Variants in FN1 observed in about 807,000 individuals in gnomAD.
FN1 encodes fibronectin 1.
A neutral mutation model predicts 297.3 loss-of-function variants in FN1; 106 were observed. The ratio of observed to expected loss-of-function variants is 0.36; its 90% CI spans 0.30 to 0.42. The LOEUF (loss-of-function observed/expected upper bound fraction) is 0.42. FN1 is among the 10% of genes least tolerant of loss of function. The probability of loss-of-function intolerance (pLI) is 1.00; values close to 1 mark genes in which losing one functional copy is unlikely to be tolerated. For synonymous variants in FN1, 1,149 were observed against 1,152.6 expected, an observed-to-expected ratio of 1.00 and a Z score of 0.06; for missense variants, 2,690 against 3,124.9, an observed-to-expected ratio of 0.86 and a Z score of 3.32.
At chr2:215,375,127 A>G (rs2106285811) in intron 38 of FN1, 87 bp downstream of exon 38, 2 of 1,294,878 alleles carry the variant, frequency 1.5e-6, no homozygotes, top group South Asian at 2.4e-5. Flanking sequence ...CTCATGACAC[A>G]GTATCAAAGA....
Position 215,428,331 on chromosome 2 carries a change from G to A in FN1, c.693C>T (p.Cys231=). 16 of 1,613,946 alleles carry A rather than the reference G, an allele frequency of 9.9e-6. No individual in the cohort carries two copies. Among genetic ancestry groups the A allele is most frequent in the Non-Finnish European group, 1.4e-5 (16 of 1,179,920 alleles). Residue 231 remains cysteine, a synonymous_variant, in exon 6 of 46, where the codon TGC becomes TGT. Coordinates refer to ENST00000354785, the MANE Select transcript of FN1 (RefSeq NM_212482.4). ...GRITCTSRNR[C]NDQDTRTSYR... ...AGGATGTCCTTGTGTCCTGATCGTT[G>A]CATCTATCTGTGTCACAAAGGAAGC...
intron 44 of FN1, chr2:215,364,511 G>T (rs1277563080): frequency 5.9e-6 from 2 of 336,244 alleles, no homozygotes; most frequent in African/African-American, 4.2e-5. Context: ...AATTTGAATA[G>T]TATCTCTGCT....
Position 215,372,146 on chromosome 2 carries a change from G to C in FN1, c.6477C>G (p.Pro2159=). 1 of 1,614,226 alleles carries C rather than the reference G, an allele frequency of 6.2e-7. No individual in the cohort carries two copies. The highest frequency in any genetic ancestry group is 8.5e-7 in the Non-Finnish European group (1 of 1,180,048). The part of the protein sequence containing the change: ...RRTTPPTTAT[P]IRHRPRPYPP... ...GGTATGGTCTTGGCCTATGCCTTATGGGGGTGGCCGTTGTGGGCGGTGTGG... is the reference window on the plus strand; with the variant it reads ...GGTATGGTCTTGGCCTATGCCTTATCGGGGTGGCCGTTGTGGGCGGTGTGG... Residue 2159 remains proline, a synonymous_variant, in exon 40 of 46, where the codon CCC becomes CCG. Transcript: ENST00000354785.
chr2:215,360,873 A>G lies in FN1; in HGVS notation c.*682T>C, dbSNP rs1290999316. The G allele has an allele frequency of 3.9e-5, 6 of 152,694 alleles. No individual in the cohort carries two copies. The highest frequency in any genetic ancestry group is 7.2e-5 in the African/African-American group (3 of 41,460). The allele number at this position is 152,694 out of a possible 1,614,324, so 9.5% of individuals were successfully genotyped here. The stretch of plus-strand genomic sequence containing the variant: ...AGATGAACTTCAAGTTGTGGAATGT[A>G]AATCTTTTATTAAAACAGTTGTCTT... On this transcript the variant is annotated 3_prime_UTR_variant, in exon 46 of 46. Transcript: ENST00000354785.
chr2:215,419,510 A>T, intron 11 of FN1, 125 bp from the exon 12 acceptor site: 1 of 821,370 alleles, frequency 1.2e-6, no homozygotes, highest in Non-Finnish European at 2.1e-6. Context: ...AAATATATGC[A>T]GTTAAAAAAA....
intron 38 of FN1, among the ~76,000 whole-genome samples, chr2:215,374,941 T>C (rs2056994544): frequency 6.6e-6 from 1 of 152,212 alleles, no homozygotes; most frequent in African/African-American, 2.4e-5. Context: ...TCTCCAGGAC[T>C]GAATTGACAG....
Position 215,384,312 on chromosome 2 carries a change from C to T in FN1, c.4730-128G>A, listed in dbSNP as rs757170554. The T allele has an allele frequency of 5.4e-5, 50 of 925,262 alleles. No individual in the cohort carries two copies. In the East Asian group the frequency reaches 9.9e-4, roughly 18 times the overall value. The allele number at this position is 925,262 out of a possible 1,614,324, so 57.3% of individuals were successfully genotyped here. A position where few individuals can be genotyped will look rare whatever the true frequency, so the allele number is the denominator to read the frequency against. On this transcript the variant is annotated intron_variant, in intron 29 of 45. Coordinates refer to ENST00000354785, the MANE Select transcript of FN1 (RefSeq NM_212482.4). ...TTCTTGCTTATTCCCTTTTAAAGAG[C>T]GCTATCTTGAACAGAAAGGGGTATT...
At chr2:215,375,520 T>A (rs1432365031) in intron 37 of FN1, 109 bp downstream of exon 37, 2 of 1,254,218 alleles carry the variant, frequency 1.6e-6, no homozygotes, top group African/African-American at 3.0e-5. Flanking sequence ...GGAAACAAGA[T>A]TCTCTGGAAT....
rs191334807 is a variant in FN1, at chr2:215,361,405, C to G, written c.*150G>C. The stretch of plus-strand genomic sequence containing the variant: ...ACTCCCAGGGTGATGCTTGGAGAAG[C>G]TGTGAGTTGAGCTGAAGCTGGAGAA... On this transcript the variant is annotated 3_prime_UTR_variant, in exon 46 of 46. Coordinates refer to ENST00000354785, the MANE Select transcript of FN1 (RefSeq NM_212482.4). 5.3e-6 allele frequency: 4 copies of G among 754,270 alleles called. No individual in the cohort carries two copies. Among genetic ancestry groups the G allele is most frequent in the Non-Finnish European group, 9.8e-6 (4 of 406,904 alleles). The allele number at this position is 754,270 out of a possible 1,614,324, so 46.7% of individuals were successfully genotyped here.
Position 215,367,861 on chromosome 2 carries a change from A to C in FN1, c.7018+2T>G. On this transcript the variant is annotated splice_donor_variant, in intron 42 of 45. Coordinates refer to ENST00000354785, the MANE Select transcript of FN1 (RefSeq NM_212482.4). LOFTEE classifies it high-confidence loss of function. ...AAGTGGATGGACAAAGCAACTACTC[A>C]CTAGATGAATCACATCTGAAATGAC... is the stretch of plus-strand genomic sequence containing the variant. The C allele has an allele frequency of 6.2e-7, 1 of 1,613,922 alleles. No individual in the cohort carries two copies. The highest frequency in any genetic ancestry group is 8.5e-7 in the Non-Finnish European group (1 of 1,179,818).
At chr2:215,387,724 C>T (rs568800275) in intron 27 of FN1, among the ~76,000 whole-genome samples, 1 of 152,264 alleles carries the variant, frequency 6.6e-6, no homozygotes, top group Admixed American at 6.5e-5. Context: ...TTAATGAATA[C>T]ACTAAAGTGT....
At position 215,383,171 on chromosome 2, in the gene FN1, A is replaced by AT. The variant is rs1489484728; in HGVS notation, c.5050+156dup. Among the ~76,000 whole-genome samples the AT allele has an allele frequency of 4.6e-5, 7 of 151,986 alleles. No homozygotes were observed. In the South Asian group the frequency reaches 1.5e-3, roughly 32 times the overall value. On this transcript the variant is annotated intron_variant, in intron 31 of 45. Transcript: ENST00000354785. ...AGGCACAAGCCACCATGCCCAGCTA[A>AT]TTTTTTTGTATTTTTTAGTACAGAC...
At chr2:215,375,463 C>T (rs997826845) in intron 37 of FN1, 70 bp from the exon 38 acceptor site, 41 of 1,459,336 alleles carry the variant, frequency 2.8e-5, no homozygotes, top group African/African-American at 2.0e-4. Context: ...ACTTTTCTCC[C>T]GAGCCGTTCT....
intron 41 of FN1, 32 bp from the exon 42 acceptor site, chr2:215,368,059 G>T (rs772659812): frequency 6.2e-7 from 1 of 1,610,814 alleles, no homozygotes; most frequent in South Asian, 1.1e-5. Context: ...AGCAAAAAGA[G>T]ACATCTTATT....
At chr2:215,374,179 T>C (rs1406368170) in intron 38 of FN1, among the ~76,000 whole-genome samples, 1 of 152,118 alleles carries the variant, frequency 6.6e-6, no homozygotes, top group African/African-American at 2.4e-5. Flanking sequence ...AAGTGAAGGG[T>C]AGGAGAGATT....
chr2:215,399,457 G>T, intron 20 of FN1, 106 bp from the exon 21 acceptor site: 1 of 771,772 alleles, frequency 1.3e-6, no homozygotes, highest in Non-Finnish European at 2.3e-6. Flanking sequence ...TAACCAAGCA[G>T]TGGATAGAGG....
intron 5 of FN1, among the ~76,000 whole-genome samples, chr2:215,430,311 C>T (rs2066274909): frequency 6.6e-6 from 1 of 152,210 alleles, no homozygotes; most frequent in African/African-American, 2.4e-5. Flanking sequence ...AGCTTCTTTA[C>T]AGCACTAATC....
At chr2:215,382,086 C>G in intron 32 of FN1, 126 bp downstream of exon 32, 1 of 702,776 alleles carries the variant, frequency 1.4e-6, no homozygotes. Flanking sequence ...GGGCTCAGCT[C>G]AAGACATAAA....
chr2:215,383,600 TTTC>T, intron 30 of FN1, 117 bp from the exon 31 acceptor site: 1 of 1,091,500 alleles, frequency 9.2e-7, no homozygotes, highest in South Asian at 1.3e-5. Flanking sequence ...GAGAAAGGTA[TTTC>T]TTCTCGAAAG....
Sources: gnomAD v4.1 joint callset for allele counts (sites outside exome capture counted in the v4.1 genomes callset) on GRCh38, gnomAD v4.1.1 for gene constraint, MANE v1.5 for transcripts, NCBI Gene and HGNC (gene_info 2026-07-23, HGNC 2026-07-21) for gene names.